Variants in SOX5 observed in about 807,000 individuals in gnomAD.
The protein encoded by SOX5 is SRY-box transcription factor 5.
SOX5 carries 9 observed loss-of-function variants against 92.0 expected under a neutral mutation model. That is an observed-to-expected ratio of 0.10 (90% CI 0.06 to 0.17). SOX5 has a LOEUF of 0.17. Among genes scored for constraint, SOX5 ranks in the 10% least tolerant of loss-of-function variants. The probability of loss-of-function intolerance (pLI) is 1.00; values close to 1 mark genes in which losing one functional copy is unlikely to be tolerated. For missense variants in SOX5, 642 were observed against 944.5 expected (o/e 0.68, Z 4.20); for synonymous variants, 344 against 336.3 (o/e 1.02, Z -0.25).
intron 1 of SOX5, among the ~76,000 whole-genome samples, chr12:24,517,371 C>T (rs1329629232): frequency 6.6e-6 from 1 of 152,166 alleles, no homozygotes; most frequent in Non-Finnish European, 1.5e-5. Flanking sequence ...CTTACATCCA[C>T]ATCAAGAGGC....
At chr12:23,759,030 G>GACACAC (rs61575999) in intron 3 of SOX5, among the ~76,000 whole-genome samples, 5,583 of 146,266 alleles carry the variant, frequency 0.038, 162 homozygotes, top group Non-Finnish European at 0.054. Context: ...CACACACACA[G>GACACAC]ACACACACAC....
intron 2 of SOX5, among the ~76,000 whole-genome samples, chr12:23,862,769 A>G (rs1255254566): frequency 6.6e-6 from 1 of 152,190 alleles, no homozygotes; most frequent in Non-Finnish European, 1.5e-5. Flanking sequence ...TTTACACTGA[A>G]TTTACGTGCT....
chr12:24,141,560 G>A (rs1950585477), intron 4 of SOX5, among the ~76,000 whole-genome samples: 1 of 152,202 alleles, frequency 6.6e-6, no homozygotes, highest in Non-Finnish European at 1.5e-5. Flanking sequence ...TAAACGGCTG[G>A]AAGAATCCTT....
At chr12:24,387,660 T>C (rs1958569586) in intron 1 of SOX5, among the ~76,000 whole-genome samples, 1 of 152,120 alleles carries the variant, frequency 6.6e-6, no homozygotes, top group African/African-American at 2.4e-5. Flanking sequence ...ATAATTTTCT[T>C]ACAGGGAATA....
At chr12:24,178,265 T>TTTC (rs1555160068) in intron 4 of SOX5, among the ~76,000 whole-genome samples, 3 of 116,362 alleles carry the variant, frequency 2.6e-5, no homozygotes, top group Non-Finnish European at 5.5e-5. Flanking sequence ...TTTTTTTTTT[T>TTTC]CCCATTTAAG....
intron 11 of SOX5, among the ~76,000 whole-genome samples, chr12:23,548,154 A>C (rs1036943083): frequency 1.3e-4 from 20 of 152,068 alleles, no homozygotes; most frequent in African/African-American, 4.6e-4. Context: ...TAGGGCAATA[A>C]TACTACACAT....
At chr12:23,565,069 T>C (rs1946840635) in intron 10 of SOX5, among the ~76,000 whole-genome samples, 1 of 152,206 alleles carries the variant, frequency 6.6e-6, no homozygotes, top group South Asian at 2.1e-4. Context: ...AGTGATTATA[T>C]ATTTTGCCTT....
chr12:23,534,570 T>A, intron 14 of SOX5, 48 bp from the exon 15 acceptor site: 1 of 1,464,372 alleles, frequency 6.8e-7, no homozygotes, highest in Non-Finnish European at 9.4e-7. Context: ...AAGTGAATAG[T>A]TAGATGTGGA....
chr12:24,406,206 C>T lies in SOX5; in HGVS notation c.-250-37567G>A, dbSNP rs1268010550. Among the ~76,000 whole-genome samples the T allele has an allele frequency of 5.9e-5, 9 of 152,136 alleles. No homozygotes were observed. In the East Asian group the frequency reaches 1.3e-3, roughly 23 times the overall value. On this transcript the variant is annotated intron_variant, in intron 1 of 4. Transcript: ENST00000446891. Reference sequence around the variant, plus strand: ...CCAGCCTGAAGCCCAAGAGGATCAACGGCGGTATTCACAAGACACCAAATC... The same window carrying T: ...CCAGCCTGAAGCCCAAGAGGATCAATGGCGGTATTCACAAGACACCAAATC...
intron 4 of SOX5, among the ~76,000 whole-genome samples, chr12:23,973,725 A>C (rs924200798): frequency 4.8e-4 from 73 of 152,120 alleles, no homozygotes; most frequent in African/African-American, 1.7e-3. Context: ...GCCTGTTAGG[A>C]ACCGGGCCAC....
At chr12:23,557,963 G>A (rs1048796987) in intron 11 of SOX5, among the ~76,000 whole-genome samples, 7 of 128,318 alleles carry the variant, frequency 5.5e-5, no homozygotes, top group African/African-American at 1.8e-4. Context: ...GTGACAGAGC[G>A]AGACTCCGCC....
chr12:23,873,160 T>A (rs2096892668), intron 2 of SOX5, among the ~76,000 whole-genome samples: 1 of 152,222 alleles, frequency 6.6e-6, no homozygotes, highest in South Asian at 2.1e-4. Context: ...GAGTTTTTCA[T>A]TAAATCATTA....
At chr12:23,841,967 A>T (rs1352725976) in intron 3 of SOX5, among the ~76,000 whole-genome samples, 3 of 71,556 alleles carry the variant, frequency 4.2e-5, no homozygotes, top group African/African-American at 1.8e-4. Context: ...GAGCCTTAAC[A>T]TAAGCAAAAT....
chr12:24,396,474 C>G (rs1337777014), intron 1 of SOX5, among the ~76,000 whole-genome samples: 1 of 152,228 alleles, frequency 6.6e-6, no homozygotes, highest in African/African-American at 2.4e-5. Flanking sequence ...ATATTCAGCT[C>G]ATTTCATTTA....
At chr12:24,252,838 A>G (rs1940403769) in intron 3 of SOX5, among the ~76,000 whole-genome samples, 1 of 152,244 alleles carries the variant, frequency 6.6e-6, no homozygotes, top group Non-Finnish European at 1.5e-5. Context: ...TATCTAGGTT[A>G]CATGGAAACA....
intron 1 of SOX5, among the ~76,000 whole-genome samples, chr12:24,371,648 C>T (rs118043720): frequency 0.023 from 3,457 of 152,192 alleles, 61 homozygotes; most frequent in Non-Finnish European, 0.037. Flanking sequence ...ATTCTTGTAC[C>T]CACTCTGAAT....
chr12:23,926,642 A>G (rs1940030666), intron 1 of SOX5, among the ~76,000 whole-genome samples: 1 of 152,046 alleles, frequency 6.6e-6, no homozygotes, highest in Non-Finnish European at 1.5e-5. Context: ...ATAGCAATTC[A>G]TTTCTTTGTT....
chr12:23,943,376 A>G (rs894502382), intron 1 of SOX5, among the ~76,000 whole-genome samples: 1 of 152,100 alleles, frequency 6.6e-6, no homozygotes, highest in Admixed American at 6.6e-5. Flanking sequence ...ATTTCAGTAC[A>G]AGGCATTAAG....
At chr12:23,920,737 T>G (rs1218222341) in intron 1 of SOX5, 2 of 152,156 alleles carry the variant, frequency 1.3e-5, no homozygotes, top group Admixed American at 6.6e-5. Flanking sequence ...CTGAAAAATC[T>G]TACCTAGTCC....
Sources: gnomAD v4.1 joint callset for allele counts (sites outside exome capture counted in the v4.1 genomes callset) on GRCh38, gnomAD v4.1.1 for gene constraint, MANE v1.5 for transcripts, NCBI Gene and HGNC (gene_info 2026-07-23, HGNC 2026-07-21) for gene names.